Variants in PDE8B observed in about 807,000 individuals in gnomAD.
PDE8B encodes phosphodiesterase 8B.
Under a neutral mutation model 101.3 loss-of-function variants are expected in PDE8B, and 26 were observed. The observed-to-expected ratio is 0.26, with a 90% confidence interval of 0.19 to 0.36. PDE8B has a LOEUF of 0.36. Ranked by LOEUF, PDE8B falls within the 10% of genes least tolerant of loss-of-function variation. The pLI, the probability that PDE8B is intolerant of heterozygous loss-of-function variation, is 1.00. For missense variants in PDE8B, 810 were observed against 1,163.1 expected, an observed-to-expected ratio of 0.70 and a Z score of 4.42; for synonymous variants, 424 against 429.3, an observed-to-expected ratio of 0.99 and a Z score of 0.15.
intron 1 of PDE8B, among the ~76,000 whole-genome samples, chr5:77,232,774 G>A (rs1417762940): frequency 6.6e-6 from 1 of 152,216 alleles, no homozygotes; most frequent in Non-Finnish European, 1.5e-5. Flanking sequence ...GATGCAGCAG[G>A]TTGAACTTTT....
At chr5:77,142,944 T>C in the PDE8B span, among the ~76,000 whole-genome samples, 10 of 152,146 alleles carry the variant, frequency 6.6e-5, no homozygotes, top group East Asian at 1.7e-3. Flanking sequence ...ATTAAGGAAA[T>C]GTGTGTTTGG....
chr5:77,099,482 C>A, the PDE8B span, among the ~76,000 whole-genome samples: 1 of 152,194 alleles, frequency 6.6e-6, no homozygotes, highest in African/African-American at 2.4e-5. Flanking sequence ...GTCTGCGGTT[C>A]CCATGTCTCA....
At chr5:77,272,713 T>A (rs201577243) in intron 1 of PDE8B, among the ~76,000 whole-genome samples, 2 of 152,024 alleles carry the variant, frequency 1.3e-5, no homozygotes, top group East Asian at 3.9e-4. Flanking sequence ...AGCCCAGAAG[T>A]AGGAATAAAA....
chr5:77,092,554 G>C, the PDE8B span: 1 of 152,020 alleles, frequency 6.6e-6, no homozygotes, highest in African/African-American at 2.4e-5. Flanking sequence ...GCATTTCATT[G>C]GAAATACAGA....
the PDE8B span, among the ~76,000 whole-genome samples, chr5:77,118,130 A>G: frequency 6.6e-6 from 1 of 152,042 alleles, no homozygotes; most frequent in African/African-American, 2.4e-5. Context: ...TATTTTTAGT[A>G]CAGATGGGGT....
chr5:77,276,171 G>A (rs1172738211), intron 1 of PDE8B, among the ~76,000 whole-genome samples: 1 of 152,202 alleles, frequency 6.6e-6, no homozygotes, highest in East Asian at 1.9e-4. Flanking sequence ...ATTGTACTCA[G>A]CATTTAAAAC....
chr5:77,392,969 GAAC>G (rs1280259003), intron 10 of PDE8B, among the ~76,000 whole-genome samples: 2 of 152,126 alleles, frequency 1.3e-5, no homozygotes, highest in Admixed American at 6.5e-5. Flanking sequence ...TCGTATGCCA[GAAC>G]AACAACAACA....
the PDE8B span, chr5:77,146,373 T>TC: frequency 1.6e-5 from 2 of 121,364 alleles, no homozygotes; most frequent in African/African-American, 8.6e-5. Context: ...TCGCCATGAG[T>TC]GTGGATGGAA....
intron 1 of PDE8B, among the ~76,000 whole-genome samples, chr5:77,216,526 C>G (rs561733005): frequency 2.6e-4 from 40 of 152,298 alleles, no homozygotes; most frequent in African/African-American, 8.7e-4. Flanking sequence ...ATTCAATTAC[C>G]TCTCACCAGG....
chr5:77,413,033 A>G (rs1205702866), intron 16 of PDE8B, 78 bp from the exon 17 acceptor site: 3 of 1,172,314 alleles, frequency 2.6e-6, no homozygotes, highest in Middle Eastern at 2.7e-4. Context: ...AAATGCTTCC[A>G]TGCCCCACTA....
chr5:77,279,064 TA>T lies in PDE8B; in HGVS notation c.340-32929del, dbSNP rs1330077195. 1.3e-5 allele frequency among the ~76,000 whole-genome samples: 2 copies of T among 152,228 alleles called. 1 individual carries two copies. Among genetic ancestry groups the T allele is most frequent in the Admixed American group, 1.3e-4 (2 of 15,284 alleles). On this transcript the variant is annotated intron_variant, in intron 1 of 21. Coordinates refer to ENST00000264917, the MANE Select transcript of PDE8B (RefSeq NM_003719.5). ...TTTTCTTGAACTGTTTTGTTTCATC[TA>T]CAATTACATCTTTATATCACATTTC... is the stretch of plus-strand genomic sequence containing the variant.
At chr5:77,298,278 A>C (rs564802259) in intron 1 of PDE8B, among the ~76,000 whole-genome samples, 1 of 152,118 alleles carries the variant, frequency 6.6e-6, no homozygotes, top group African/African-American at 2.4e-5. Flanking sequence ...CAATCTTCAT[A>C]TATCTTCCTC....
intron 10 of PDE8B, among the ~76,000 whole-genome samples, chr5:77,387,570 G>A (rs1788988946): frequency 2.6e-5 from 4 of 152,128 alleles, no homozygotes; most frequent in Admixed American, 6.5e-5. Context: ...TGCTCTTCTC[G>A]AGGAGTATCT....
At chr5:77,356,209 G>A (rs373003069) in intron 10 of PDE8B, among the ~76,000 whole-genome samples, 17 of 152,146 alleles carry the variant, frequency 1.1e-4, no homozygotes, top group Middle Eastern at 3.4e-3. Flanking sequence ...TAGCCTCTGC[G>A]TCCTGTCTCA....
At chr5:77,230,766 C>T (rs1025443460) in intron 1 of PDE8B, among the ~76,000 whole-genome samples, 2 of 152,306 alleles carry the variant, frequency 1.3e-5, no homozygotes, top group Admixed American at 1.3e-4. Flanking sequence ...TTCTAAAAGG[C>T]TGCACATTCA....
At chr5:77,329,117 G>A in intron 4 of PDE8B, 60 bp downstream of exon 4, 2 of 1,396,754 alleles carry the variant, frequency 1.4e-6, no homozygotes, top group Non-Finnish European at 2.0e-6. Context: ...ATATTTGTCA[G>A]ATGTAATCTG....
At chr5:77,256,191 C>T (rs1759135689) in intron 1 of PDE8B, among the ~76,000 whole-genome samples, 1 of 152,090 alleles carries the variant, frequency 6.6e-6, no homozygotes. Context: ...TGCGGGTATA[C>T]AAAGAAAAAG....
At chr5:77,132,575 A>G in the PDE8B span, among the ~76,000 whole-genome samples, 2 of 152,144 alleles carry the variant, frequency 1.3e-5, no homozygotes, top group Non-Finnish European at 2.9e-5. Flanking sequence ...ATAGCATTTT[A>G]TGTATCTTTC....
intron 1 of PDE8B, among the ~76,000 whole-genome samples, chr5:77,285,808 G>A (rs62364275): frequency 6.6e-6 from 1 of 151,714 alleles, no homozygotes; most frequent in Admixed American, 6.6e-5. Flanking sequence ...CTTCAGATTG[G>A]ACAATTTGTA....
Sources: allele counts gnomAD v4.1 joint callset (sites outside exome capture counted in the v4.1 genomes callset), GRCh38; gene constraint gnomAD v4.1.1; transcripts MANE v1.5; gene names NCBI Gene and HGNC (gene_info 2026-07-23, HGNC 2026-07-21).